ANKRD22: variants seen among roughly 807,000 people sequenced by gnomAD.
The protein encoded by ANKRD22 is ankyrin repeat domain 22.
A neutral mutation model predicts 25.7 loss-of-function variants in ANKRD22; 24 were observed. The ratio of observed to expected loss-of-function variants is 0.93; its 90% confidence interval spans 0.68 to 1.31. The LOEUF (loss-of-function observed/expected upper bound fraction) is 1.31, where lower values mean the gene tolerates loss of function less well. ANKRD22 is among the 50% of genes most tolerant of loss of function. The pLI, the probability that ANKRD22 is intolerant of heterozygous loss-of-function variation, is 0.00. For synonymous variants in ANKRD22, 84 were observed against 84.3 expected (o/e 1.00, Z 0.02); for missense variants, 214 against 227.1 (o/e 0.94, Z 0.37).
intron 4 of ANKRD22, among the ~76,000 whole-genome samples, chr10:88,823,848 T>TAAAAAAAAAAAAAAAAG (rs1843827435): frequency 2.7e-5 from 3 of 109,694 alleles, no homozygotes; most frequent in African/African-American, 1.1e-4. Context: ...AAAAAAAAAT[T>TAAAAAAAAAAAAAAAAG]TCTTCTCTGT....
rs142761547 is a variant in ANKRD22 at position 88,842,652 on chromosome 10, A to G, written c.21+8935T>C. ...CATTCTGTATCATGTTATACGACAA[A>G]CCTTCCCAAGCATCTGCAGAGTTAA... is the stretch of plus-strand genomic sequence containing the variant. On this transcript the variant is annotated intron_variant, in intron 1 of 5. Coordinates refer to ENST00000371930, the MANE Select transcript of ANKRD22 (RefSeq NM_144590.3). 2.0e-5 allele frequency among the ~76,000 whole-genome samples: 3 copies of G among 152,122 alleles called. No individual in the cohort carries two copies. In the East Asian group the frequency reaches 5.8e-4, roughly 29 times the overall value.
intron 1 of ANKRD22, among the ~76,000 whole-genome samples, chr10:88,832,936 T>C (rs1480442159): frequency 1.3e-5 from 2 of 152,232 alleles, no homozygotes; most frequent in Non-Finnish European, 2.9e-5. Context: ...ACACACCACC[T>C]GCCTTTCTTC....
At chr10:88,828,264 T>C (rs1034956278) in intron 3 of ANKRD22, among the ~76,000 whole-genome samples, 5 of 152,226 alleles carry the variant, frequency 3.3e-5, no homozygotes, top group Admixed American at 6.5e-5. Flanking sequence ...GGGTGTTTTT[T>C]AATATTCAGA....
chr10:88,826,128 G>C lies in ANKRD22; in HGVS notation c.322-13C>G. 1 of 1,587,704 alleles carries C rather than the reference G, an allele frequency of 6.3e-7. No individual in the cohort carries two copies. The highest frequency in any genetic ancestry group is 8.6e-7 in the Non-Finnish European group (1 of 1,161,284). On this transcript the variant is annotated splice_polypyrimidine_tract_variant and intron_variant, in intron 3 of 5. Transcript: ENST00000371930. ...TTGTCTTTGATACCTATTACAAATGGTAATTATAAGAAAGGCTTATTTACA... is the reference window on the plus strand; with the variant it reads ...TTGTCTTTGATACCTATTACAAATGCTAATTATAAGAAAGGCTTATTTACA...
Position 88,820,227 on chromosome 10 carries a change from T to C in ANKRD22, c.*2714A>G, listed in dbSNP as rs1412639448. ...CTAGAGTTAAGAACTATTCCTTTTC[T>C]CTAGCCAACTCCTGTAAGGTACAGA... On this transcript the variant is annotated 3_prime_UTR_variant, in exon 6 of 6. Transcript: ENST00000371930. 3 of 1,546,650 alleles carry C rather than the reference T, an allele frequency of 1.9e-6. No homozygotes were observed. The highest frequency in any genetic ancestry group is 2.4e-5 in the East Asian group (1 of 40,876).
chr10:88,842,884 G>T (rs886184961), intron 1 of ANKRD22, among the ~76,000 whole-genome samples: 1 of 152,094 alleles, frequency 6.6e-6, no homozygotes, highest in Non-Finnish European at 1.5e-5. Context: ...CTTGCTTACA[G>T]GAAATTTTAT....
chr10:88,825,524 T>G (rs1191850821), intron 4 of ANKRD22, among the ~76,000 whole-genome samples: 1 of 152,260 alleles, frequency 6.6e-6, no homozygotes, highest in East Asian at 1.9e-4. Context: ...GGATTTTGGC[T>G]GCAGTGGCAG....
intron 1 of ANKRD22, among the ~76,000 whole-genome samples, chr10:88,834,629 T>G (rs1270637680): frequency 6.6e-6 from 1 of 152,230 alleles, no homozygotes; most frequent in Non-Finnish European, 1.5e-5. Flanking sequence ...GCTTTCCAGC[T>G]TCTCTTTAAA....
At position 88,821,132 on chromosome 10, in the gene ANKRD22, G is replaced by T. The variant is rs1843789002; in HGVS notation, c.*1809C>A. Among the ~76,000 whole-genome samples the T allele has an allele frequency of 6.6e-6, 1 of 152,198 alleles. No homozygotes were observed. The highest frequency in any genetic ancestry group is 2.1e-4 in the South Asian group (1 of 4,830). The stretch of plus-strand genomic sequence containing the variant: ...TCTGCATTACATAAAGCATGTATGT[G>T]CATTTCAGTGTCTAGATTCTAGTCC... On this transcript the variant is annotated 3_prime_UTR_variant, in exon 6 of 6. Transcript: ENST00000371930.
intron 1 of ANKRD22, among the ~76,000 whole-genome samples, chr10:88,842,261 C>T (rs1465934127): frequency 6.6e-6 from 1 of 152,002 alleles, no homozygotes; most frequent in South Asian, 2.1e-4. Context: ...CTCATTTAAC[C>T]CTTACAGCAA....
intron 1 of ANKRD22, among the ~76,000 whole-genome samples, chr10:88,843,912 C>G (rs1292373201): frequency 6.6e-6 from 1 of 152,156 alleles, no homozygotes; most frequent in Non-Finnish European, 1.5e-5. Flanking sequence ...TTATACCTTT[C>G]TCTTCGGCAA....
rs1236854843 is a variant in ANKRD22 at position 88,851,577 on chromosome 10, G to A, written c.21+10C>T. On this transcript the variant is annotated intron_variant, in intron 1 of 5. Transcript: ENST00000371930. ...ATCTTTGGAACTCTGCTTTCAGAAA[G>A]GTGATGTACCTCAGAGTATAGGATT... The A allele has an allele frequency of 2.5e-6, 4 of 1,613,258 alleles. No homozygotes were observed. The highest frequency in any genetic ancestry group is 2.7e-5 in the African/African-American group (2 of 75,008).
Position 88,822,482 on chromosome 10 carries a change from G to C in ANKRD22, c.*459C>G, listed in dbSNP as rs1003283656. 2 of 148,964 alleles carry C rather than the reference G, an allele frequency of 1.3e-5. No homozygotes were observed. Among genetic ancestry groups the C allele is most frequent in the Admixed American group, 6.9e-5 (1 of 14,492 alleles). 9.2% of individuals were successfully genotyped at this position (148,964 alleles called of 1,614,324 possible). On this transcript the variant is annotated 3_prime_UTR_variant, in exon 6 of 6. Transcript: ENST00000371930. ...AGTGATACAACTGGGAAGGGAGAAC[G>C]CTGTTTCAGAAGATAACTCAGATCC... is the stretch of plus-strand genomic sequence containing the variant.
Position 88,821,498 on chromosome 10 carries a change from T to C in ANKRD22, c.*1443A>G, listed in dbSNP as rs921911262. 2.0e-5 allele frequency among the ~76,000 whole-genome samples: 3 copies of C among 152,212 alleles called. No individual in the cohort carries two copies. Among genetic ancestry groups the C allele is most frequent in the Non-Finnish European group, 4.4e-5 (3 of 68,026 alleles). On this transcript the variant is annotated 3_prime_UTR_variant, in exon 6 of 6. Coordinates refer to ENST00000371930, the MANE Select transcript of ANKRD22 (RefSeq NM_144590.3). ...TGTGTCAAAAGTATATTGTTGAAGG[T>C]ATACTGGTGTGTGAAATTCACTTGT...
intron 1 of ANKRD22, among the ~76,000 whole-genome samples, chr10:88,845,866 T>A (rs917889977): frequency 1.3e-5 from 2 of 152,132 alleles, no homozygotes; most frequent in Non-Finnish European, 2.9e-5. Context: ...TTTACCCGCT[T>A]TCCATTGTGT....
chr10:88,840,129 T>C (rs1843991058), intron 1 of ANKRD22, among the ~76,000 whole-genome samples: 1 of 152,190 alleles, frequency 6.6e-6, no homozygotes, highest in South Asian at 2.1e-4. Context: ...ATTTTTTGTG[T>C]CCTTTTGCCT....
Position 88,847,662 on chromosome 10 carries a change from T to C in ANKRD22, c.21+3925A>G, listed in dbSNP as rs1281108580. 3.3e-5 allele frequency among the ~76,000 whole-genome samples: 5 copies of C among 152,264 alleles called. No homozygotes were observed. The East Asian group carries it at 9.6e-4, about 29-fold the overall frequency. ...ATAAGTATACATAAATGCTTCCTTT[T>C]TTTTTCTTATCACTGTTACCCATAA... On this transcript the variant is annotated intron_variant, in intron 1 of 5. Transcript: ENST00000371930.
At chr10:88,836,777 A>G (rs1163428875) in intron 1 of ANKRD22, among the ~76,000 whole-genome samples, 4 of 152,204 alleles carry the variant, frequency 2.6e-5, no homozygotes, top group Non-Finnish European at 2.9e-5. Flanking sequence ...AATCAGCAAT[A>G]TCCACCAAGA....
chr10:88,838,172 C>T (rs754722635), intron 1 of ANKRD22, among the ~76,000 whole-genome samples: 24 of 152,098 alleles, frequency 1.6e-4, no homozygotes, highest in Non-Finnish European at 2.6e-4. Flanking sequence ...TATAAAATGG[C>T]TTTGAAAACC....
Sources: gnomAD v4.1 joint callset for allele counts (sites outside exome capture counted in the v4.1 genomes callset) on GRCh38, gnomAD v4.1.1 for gene constraint, MANE v1.5 for transcripts, NCBI Gene and HGNC (gene_info 2026-07-23, HGNC 2026-07-21) for gene names.